The following MAP7 variants were observed in gnomAD, a reference collection of about 807,000 sequenced individuals.
MAP7 encodes the protein microtubule associated protein 7.
Under a neutral mutation model 94.8 loss-of-function variants are expected in MAP7, and 52 were observed. The ratio of observed to expected loss-of-function variants is 0.55; its 90% CI spans 0.44 to 0.69. The LOEUF is 0.69. MAP7 is among the 30% of genes least tolerant of loss of function. The pLI is 0.00. For missense variants in MAP7, 940 were observed against 964.6 expected, an observed-to-expected ratio of 0.97 and a Z score of 0.34; for synonymous variants, 350 against 357.0, an observed-to-expected ratio of 0.98 and a Z score of 0.22.
intron 1 of MAP7, among the ~76,000 whole-genome samples, chr6:136,438,473 G>A (rs909111001): frequency 2.6e-5 from 4 of 152,212 alleles, no homozygotes; most frequent in African/African-American, 9.7e-5. Context: ...GAAGAACTAA[G>A]ATGGGGTTCA....
intron 1 of MAP7, among the ~76,000 whole-genome samples, chr6:136,445,813 G>T (rs543787815): frequency 3.4e-4 from 51 of 152,192 alleles, no homozygotes; most frequent in Admixed American, 9.8e-4. Flanking sequence ...CAAACTAACA[G>T]CTGCGTAATG....
intron 3 of MAP7, among the ~76,000 whole-genome samples, chr6:136,408,428 G>A (rs1292633726): frequency 6.6e-6 from 1 of 152,114 alleles, no homozygotes; most frequent in Non-Finnish European, 1.5e-5. Context: ...AGTCCTTCCT[G>A]TTTGCAAAAT....
chr6:136,411,648 C>T lies in MAP7; in HGVS notation c.216G>A (p.Glu72=). 1.3e-6 allele frequency: 2 copies of T among 1,563,522 alleles called. No individual in the cohort carries two copies. Among genetic ancestry groups the T allele is most frequent in the East Asian group, 4.8e-5 (2 of 41,864 alleles). ...RVDDRQRLAR[E]RREEREKQLA... ...GCTGTTTCTCCCGTTCCTCACGTCG[C>T]TCCCGGGCCAGCCGCTGCCGGTCAT... is the stretch of plus-strand genomic sequence containing the variant. Residue 72 remains glutamate, a synonymous_variant, in exon 3 of 18, where the codon GAG becomes GAA. Transcript: ENST00000354570.
At chr6:136,465,233 T>A (rs527516557) in intron 1 of MAP7, among the ~76,000 whole-genome samples, 3 of 152,324 alleles carry the variant, frequency 2.0e-5, no homozygotes, top group African/African-American at 7.2e-5. Flanking sequence ...CATACAAAAA[T>A]TGAGTATTTT....
Position 136,359,841 on chromosome 6 carries a change from C to G in MAP7, c.1891G>C (p.Gly631Arg). The change falls in exon 15 of 18, where the codon GGA becomes CGA. Residue 631 changes from glycine (G) to arginine (R), a missense_variant. Transcript: ENST00000354570. ...ATACCTGTTCCTCCAGTGAGAGCTC[C>G]CTTGGCTATATCACCGTTTCTCTGA... The part of the protein sequence containing the change: ...SDQRNGDIAK[G>R]ALTGGTEVSA... 6.2e-7 allele frequency: 1 copy of G among 1,613,178 alleles called. No individual in the cohort carries two copies. The highest frequency in any genetic ancestry group is 8.5e-7 in the Non-Finnish European group (1 of 1,179,956).
At chr6:136,460,023 C>A (rs1267703283) in intron 1 of MAP7, among the ~76,000 whole-genome samples, 1 of 152,096 alleles carries the variant, frequency 6.6e-6, no homozygotes, top group Non-Finnish European at 1.5e-5. Flanking sequence ...ACTCCACAAT[C>A]CCACTTTTGA....
chr6:136,522,843 C>A (rs529976474), intron 1 of MAP7, among the ~76,000 whole-genome samples: 1 of 152,198 alleles, frequency 6.6e-6, no homozygotes, highest in South Asian at 2.1e-4. Context: ...ATCACCTGGG[C>A]AACATAGCAA....
intron 1 of MAP7, among the ~76,000 whole-genome samples, chr6:136,542,942 A>G (rs768948870): frequency 5.7e-4 from 87 of 152,194 alleles, no homozygotes; most frequent in Non-Finnish European, 1.1e-3. Context: ...AGTTTTAAAA[A>G]CAAACAAAAC....
intron 1 of MAP7, among the ~76,000 whole-genome samples, chr6:136,423,269 C>T (rs1791966267): frequency 6.6e-6 from 1 of 152,190 alleles, no homozygotes; most frequent in South Asian, 2.1e-4. Context: ...CTTAACATCT[C>T]TAAGTCTTAA....
intron 1 of MAP7, among the ~76,000 whole-genome samples, chr6:136,465,547 A>G (rs1161010680): frequency 1.3e-5 from 2 of 152,246 alleles, no homozygotes; most frequent in Non-Finnish European, 2.9e-5. Context: ...AGCCGATTAA[A>G]TATCAGGCAA....
At chr6:136,467,297 G>A (rs1485814617) in intron 1 of MAP7, among the ~76,000 whole-genome samples, 1 of 152,202 alleles carries the variant, frequency 6.6e-6, no homozygotes, top group Non-Finnish European at 1.5e-5. Context: ...GGTTATGGCT[G>A]ATTTTGTTTC....
chr6:136,369,886 AG>A (rs1197153342), intron 8 of MAP7, among the ~76,000 whole-genome samples: 2 of 152,212 alleles, frequency 1.3e-5, no homozygotes, highest in Non-Finnish European at 2.9e-5. Context: ...TAACACTAAA[AG>A]CGTAGGCAAT....
intron 3 of MAP7, among the ~76,000 whole-genome samples, chr6:136,409,274 A>G (rs1053248847): frequency 6.6e-6 from 1 of 152,176 alleles, no homozygotes; most frequent in Admixed American, 6.5e-5. Flanking sequence ...AATGCCAGCT[A>G]CTAAAGAGGC....
Position 136,444,973 on chromosome 6 carries a change from C to T in MAP7, c.68-23174G>A, listed in dbSNP as rs372595813. On this transcript the variant is annotated intron_variant, in intron 1 of 17. Coordinates refer to ENST00000354570, the MANE Select transcript of MAP7 (RefSeq NM_003980.6). Reference sequence around the variant, plus strand: ...TCTACTCTGTAGAGGTGAGATGTGTCGACTAACTGCTCAAGCCTACACCTT... The same window carrying T: ...TCTACTCTGTAGAGGTGAGATGTGTTGACTAACTGCTCAAGCCTACACCTT... Among the ~76,000 whole-genome samples the T allele has an allele frequency of 3.9e-5, 6 of 152,242 alleles. No homozygotes were observed. The East Asian group carries it at 1.2e-3, about 29-fold the overall frequency.
chr6:136,506,762 T>C (rs949318817), intron 1 of MAP7, among the ~76,000 whole-genome samples: 2 of 152,152 alleles, frequency 1.3e-5, no homozygotes, highest in Non-Finnish European at 2.9e-5. Flanking sequence ...TATATTTGAG[T>C]CCTTGTGGAC....
At chr6:136,429,296 G>A (rs1794205776) in intron 1 of MAP7, among the ~76,000 whole-genome samples, 1 of 152,172 alleles carries the variant, frequency 6.6e-6, no homozygotes, top group African/African-American at 2.4e-5. Flanking sequence ...GTGACACTCT[G>A]CAAACACAAC....
At chr6:136,415,592 G>A (rs1318752450) in intron 2 of MAP7, among the ~76,000 whole-genome samples, 3 of 152,148 alleles carry the variant, frequency 2.0e-5, no homozygotes, top group Admixed American at 1.3e-4. Context: ...GCTTCCCCCT[G>A]TGAAGTGCCT....
intron 1 of MAP7, among the ~76,000 whole-genome samples, chr6:136,505,611 A>T (rs1404955703): frequency 6.6e-6 from 1 of 151,996 alleles, no homozygotes; most frequent in Non-Finnish European, 1.5e-5. Context: ...ACACAGGGAC[A>T]CATCGAAAGG....
intron 3 of MAP7, among the ~76,000 whole-genome samples, chr6:136,410,967 CT>C (rs1182484772): frequency 2.0e-5 from 3 of 152,140 alleles, no homozygotes; most frequent in African/African-American, 4.8e-5. Flanking sequence ...AGAGAGTATC[CT>C]GTTTTAGCAA....
Sources: allele counts gnomAD v4.1 joint callset (sites outside exome capture counted in the v4.1 genomes callset), GRCh38; gene constraint gnomAD v4.1.1; transcripts MANE v1.5; gene names NCBI Gene and HGNC (gene_info 2026-07-23, HGNC 2026-07-21).